Variants in GNAQ observed in about 807,000 individuals in gnomAD.
The protein encoded by GNAQ is G protein subunit alpha q, also known as guanine nucleotide-binding protein G(q) subunit alpha.
In GNAQ, 8 loss-of-function variants were observed where a neutral mutation model predicts 43.9. The ratio of observed to expected loss-of-function variants is 0.18; its 90% CI spans 0.11 to 0.33. The LOEUF (loss-of-function observed/expected upper bound fraction) is 0.33. GNAQ is among the 10% of genes least tolerant of loss of function. The probability of loss-of-function intolerance (pLI) is 1.00; values close to 1 mark genes in which losing one functional copy is unlikely to be tolerated. For synonymous variants in GNAQ, 155 were observed against 170.7 expected, an observed-to-expected ratio of 0.91 and a Z score of 0.71; for missense variants, 158 against 450.8, an observed-to-expected ratio of 0.35 and a Z score of 5.88.
chr9:77,740,669 G>C (rs1414502136), intron 5 of GNAQ, among the ~76,000 whole-genome samples: 2 of 151,860 alleles, frequency 1.3e-5, no homozygotes, highest in African/African-American at 4.8e-5. Context: ...ATTAATAGTT[G>C]GTTTTCTTTT....
intron 1 of GNAQ, among the ~76,000 whole-genome samples, chr9:77,948,819 AACAG>A (rs941626818): frequency 2.0e-5 from 3 of 152,182 alleles, no homozygotes; most frequent in Admixed American, 6.5e-5. Flanking sequence ...TAAGGACATG[AACAG>A]ACAAACACCT....
chr9:77,997,004 CTCAT>C (rs1386816699), intron 1 of GNAQ, among the ~76,000 whole-genome samples: 4 of 152,198 alleles, frequency 2.6e-5, no homozygotes, highest in African/African-American at 9.6e-5. Context: ...TACGTATTAT[CTCAT>C]TTATTCTTTG....
At chr9:77,939,316 G>A (rs770247620) in intron 1 of GNAQ, among the ~76,000 whole-genome samples, 45 of 152,154 alleles carry the variant, frequency 3.0e-4, no homozygotes, top group Non-Finnish European at 4.7e-4. Context: ...CAACGGCTAC[G>A]CATGAGTCAT....
chr9:77,749,582 G>A (rs1587896724), intron 5 of GNAQ, among the ~76,000 whole-genome samples: 1 of 152,194 alleles, frequency 6.6e-6, no homozygotes, highest in East Asian at 1.9e-4. Flanking sequence ...CTAATACTGG[G>A]ACTTGGATGG....
At chr9:77,786,363 A>C (rs1044054859) in intron 5 of GNAQ, among the ~76,000 whole-genome samples, 2 of 151,914 alleles carry the variant, frequency 1.3e-5, no homozygotes, top group Non-Finnish European at 2.9e-5. Flanking sequence ...CTCAAAAAAA[A>C]AAAAAAAAAG....
At chr9:78,006,179 G>T (rs1458499344) in intron 1 of GNAQ, among the ~76,000 whole-genome samples, 1 of 151,956 alleles carries the variant, frequency 6.6e-6, no homozygotes, top group Non-Finnish European at 1.5e-5. Context: ...GTGCAGGTTG[G>T]GTATGTGAAA....
At chr9:77,927,532 C>T (rs1372689547) in intron 1 of GNAQ, among the ~76,000 whole-genome samples, 1 of 151,940 alleles carries the variant, frequency 6.6e-6, no homozygotes, top group Non-Finnish European at 1.5e-5. Context: ...CTGAATACTA[C>T]CAGGAACTTC....
chr9:77,766,034 C>T (rs1826131067), intron 5 of GNAQ, among the ~76,000 whole-genome samples: 2 of 152,122 alleles, frequency 1.3e-5, no homozygotes, highest in African/African-American at 2.4e-5. Context: ...ACAGAGTAGT[C>T]AAATTCATAG....
chr9:77,984,210 C>T (rs1823405309), intron 1 of GNAQ, among the ~76,000 whole-genome samples: 1 of 150,650 alleles, frequency 6.6e-6, no homozygotes, highest in East Asian at 2.0e-4. Context: ...CTCACTGTCA[C>T]CCAGGCTGGA....
intron 5 of GNAQ, among the ~76,000 whole-genome samples, chr9:77,767,381 A>G (rs1446308443): frequency 1.3e-5 from 2 of 152,052 alleles, no homozygotes; most frequent in Non-Finnish European, 2.9e-5. Context: ...TGGGGGGACA[A>G]ATTAGCCTCC....
intron 2 of GNAQ, among the ~76,000 whole-genome samples, chr9:77,865,699 C>G (rs750884841): frequency 5.3e-5 from 8 of 152,162 alleles, no homozygotes; most frequent in Non-Finnish European, 1.2e-4. Flanking sequence ...CGTGGCAAGT[C>G]AATCCTTTCT....
intron 3 of GNAQ, among the ~76,000 whole-genome samples, chr9:77,810,178 T>C (rs550879017): frequency 6.6e-6 from 1 of 152,286 alleles, no homozygotes; most frequent in Non-Finnish European, 1.5e-5. Context: ...TACCTATCTA[T>C]CCATCTATCT....
intron 1 of GNAQ, among the ~76,000 whole-genome samples, chr9:77,932,771 T>C (rs1829170571): frequency 6.6e-6 from 1 of 152,204 alleles, no homozygotes; most frequent in Non-Finnish European, 1.5e-5. Context: ...CTGGACAGCC[T>C]TGGAAAGTCT....
chr9:77,735,622 T>A (rs753525444), intron 5 of GNAQ, among the ~76,000 whole-genome samples: 1 of 152,248 alleles, frequency 6.6e-6, no homozygotes, highest in Non-Finnish European at 1.5e-5. Flanking sequence ...ATGTGTCCTA[T>A]CTGATGTCAA....
chr9:77,860,966 C>A (rs1187624212), intron 2 of GNAQ, among the ~76,000 whole-genome samples: 1 of 152,164 alleles, frequency 6.6e-6, no homozygotes, highest in East Asian at 1.9e-4. Flanking sequence ...ATTTTCACTG[C>A]TATAAAAGAA....
chr9:77,906,456 T>A (rs1828710225), intron 2 of GNAQ, among the ~76,000 whole-genome samples: 1 of 152,200 alleles, frequency 6.6e-6, no homozygotes, highest in African/African-American at 2.4e-5. Context: ...GCCTCAAAAA[T>A]GTGTGTATTT....
At chr9:77,926,947 C>CA (rs1430645702) in intron 1 of GNAQ, among the ~76,000 whole-genome samples, 1 of 152,152 alleles carries the variant, frequency 6.6e-6, no homozygotes, top group Non-Finnish European at 1.5e-5. Context: ...GGATAAAGCA[C>CA]AGAGAGCAAT....
chr9:77,754,758 C>G (rs748132047), intron 5 of GNAQ, among the ~76,000 whole-genome samples: 16 of 152,118 alleles, frequency 1.1e-4, no homozygotes, highest in Non-Finnish European at 2.1e-4. Context: ...TGTGGAGAAC[C>G]CTCATGCGTT....
At chr9:77,725,599 A>C (rs1448824553) in intron 6 of GNAQ, among the ~76,000 whole-genome samples, 1 of 151,490 alleles carries the variant, frequency 6.6e-6, no homozygotes, top group Non-Finnish European at 1.5e-5. Flanking sequence ...AAAAAAAAAA[A>C]AAAAAAGTCT....
Sources: gnomAD v4.1 joint callset for allele counts (sites outside exome capture counted in the v4.1 genomes callset) on GRCh38, gnomAD v4.1.1 for gene constraint, MANE v1.5 for transcripts, NCBI Gene and HGNC (gene_info 2026-07-23, HGNC 2026-07-21) for gene names.